Variants in COL19A1 observed in about 807,000 individuals in gnomAD.
COL19A1 encodes the protein collagen alpha-1(XIX) chain.
Under a neutral mutation model 190.2 loss-of-function variants are expected in COL19A1, and 159 were observed. The ratio of observed to expected loss-of-function variants is 0.84; its 90% CI spans 0.73 to 0.95. COL19A1 has a LOEUF of 0.95. COL19A1 is among the 40% of genes least tolerant of loss of function. The probability of loss-of-function intolerance (pLI) is 0.00; values close to 1 mark genes in which losing one functional copy is unlikely to be tolerated. For synonymous variants in COL19A1, 509 were observed against 458.9 expected, an observed-to-expected ratio of 1.11 and a Z score of -1.39; for missense variants, 1,418 against 1,431.9, an observed-to-expected ratio of 0.99 and a Z score of 0.16.
chr6:70,078,046 A>G (rs1781999286), intron 15 of COL19A1, among the ~76,000 whole-genome samples: 1 of 152,234 alleles, frequency 6.6e-6, no homozygotes, highest in Admixed American at 6.5e-5. Flanking sequence ...TCATGTTTAT[A>G]GTTTATTTGT....
At chr6:70,149,544 A>G (rs1387103620) in intron 27 of COL19A1, among the ~76,000 whole-genome samples, 160 bp from the exon 28 acceptor site, 1 of 152,134 alleles carries the variant, frequency 6.6e-6, no homozygotes, top group Non-Finnish European at 1.5e-5. Flanking sequence ...TTCACCTACG[A>G]CCTGAAAGTC....
intron 49 of COL19A1, among the ~76,000 whole-genome samples, chr6:70,205,909 C>T (rs1205257682): frequency 1.3e-5 from 2 of 152,164 alleles, no homozygotes; most frequent in Non-Finnish European, 2.9e-5. Context: ...CTGTCAGTCT[C>T]CTCTCTTGTT....
At chr6:70,183,122 G>A (rs1342759490) in intron 44 of COL19A1, among the ~76,000 whole-genome samples, 1 of 152,050 alleles carries the variant, frequency 6.6e-6, no homozygotes, top group Non-Finnish European at 1.5e-5. Context: ...TAGAAAGGGA[G>A]TCAAATTGGG....
rs1369041078 is a variant in COL19A1, at chr6:70,172,016, A to T, written c.2621A>T (p.Lys874Met). The change falls in exon 41 of 51, where the codon AAG becomes ATG. Residue 874 changes from lysine (K) to methionine (M), a missense_variant and splice_region_variant. Lys to Met is a moderately conservative substitution (Grantham distance 95, BLOSUM62 -1). Transcript: ENST00000620364. ...GGATTAGAAGGATTTCCAGGTGTAA[A>T]GGTAAGCACAGAAGTTAGAAATGTG... Reference protein sequence around the residue: ...LPGLEGFPGVKGDRGPAGPPG... With the variant: ...LPGLEGFPGVMGDRGPAGPPG... The T allele has an allele frequency of 6.2e-7, 1 of 1,610,328 alleles. No homozygotes were observed. The highest frequency in any genetic ancestry group is 1.3e-5 in the African/African-American group (1 of 74,736).
At chr6:70,191,628 C>T (rs1342492096) in intron 48 of COL19A1, among the ~76,000 whole-genome samples, 1 of 152,178 alleles carries the variant, frequency 6.6e-6, no homozygotes, top group Non-Finnish European at 1.5e-5. Context: ...TGTCCTAAAA[C>T]TCACCCTACA....
At chr6:69,869,677 T>C (rs1288077581) in intron 1 of COL19A1, among the ~76,000 whole-genome samples, 2 of 152,132 alleles carry the variant, frequency 1.3e-5, no homozygotes, top group Non-Finnish European at 2.9e-5. Context: ...AGAATTGTAA[T>C]CAGAAAAAAA....
At chr6:70,098,381 T>G in intron 15 of COL19A1, 1 of 503,622 alleles carries the variant, frequency 2.0e-6, no homozygotes, top group Admixed American at 2.0e-5. Context: ...GACTAATCAT[T>G]GAAATTCTTA....
At chr6:70,150,297 A>T (rs182141510) in intron 30 of COL19A1, among the ~76,000 whole-genome samples, 1 of 152,322 alleles carries the variant, frequency 6.6e-6, no homozygotes, top group Non-Finnish European at 1.5e-5. Flanking sequence ...GCCTTGGCAT[A>T]TAATGTCTCA....
At chr6:70,102,025 G>T in intron 15 of COL19A1, 144 bp from the exon 16 acceptor site, 1 of 716,278 alleles carries the variant, frequency 1.4e-6, no homozygotes, top group South Asian at 1.9e-5. Context: ...TTTTAAAATT[G>T]ATATTTAAAA....
chr6:70,127,530 G>T (rs544774374), intron 17 of COL19A1, among the ~76,000 whole-genome samples: 1 of 152,132 alleles, frequency 6.6e-6, no homozygotes, highest in Non-Finnish European at 1.5e-5. Flanking sequence ...CAAGGAATAA[G>T]GATGAGGGTG....
Position 70,207,469 on chromosome 6 carries a change from A to G in COL19A1, c.*195A>G, listed in dbSNP as rs1583170631. 9.7e-6 allele frequency: 4 copies of G among 413,792 alleles called. No homozygotes were observed. Among genetic ancestry groups the G allele is most frequent in the East Asian group, 7.8e-5 (2 of 25,568 alleles). The allele number at this position is 413,792 out of a possible 1,614,324, so 25.6% of individuals were successfully genotyped here. On this transcript the variant is annotated 3_prime_UTR_variant, in exon 51 of 51. Transcript: ENST00000620364. ...AAATCAGCATTTTTTGATTTTTCCCAAATTCATTCCATATGTTTTGCTTTA... is the reference window on the plus strand; with the variant it reads ...AAATCAGCATTTTTTGATTTTTCCCGAATTCATTCCATATGTTTTGCTTTA...
chr6:69,945,590 A>C (rs1428866897), intron 9 of COL19A1, among the ~76,000 whole-genome samples: 1 of 151,946 alleles, frequency 6.6e-6, no homozygotes, highest in Non-Finnish European at 1.5e-5. Context: ...GACTTCTTTT[A>C]ATATGTCAAT....
intron 11 of COL19A1, among the ~76,000 whole-genome samples, chr6:69,991,977 G>A (rs766473167): frequency 6.6e-6 from 1 of 151,822 alleles, no homozygotes; most frequent in Non-Finnish European, 1.5e-5. Context: ...TCTTTGCCAG[G>A]GCTGATGTCT....
chr6:70,194,586 G>A (rs1007548625), intron 48 of COL19A1, among the ~76,000 whole-genome samples: 8 of 152,148 alleles, frequency 5.3e-5, no homozygotes, highest in Admixed American at 2.0e-4. Context: ...ACAGGACAAG[G>A]ACAGATGCCA....
intron 11 of COL19A1, among the ~76,000 whole-genome samples, chr6:70,016,601 C>G (rs1778122771): frequency 6.6e-6 from 1 of 151,440 alleles, no homozygotes; most frequent in South Asian, 2.1e-4. Context: ...AATAACCAAA[C>G]CATATTCTGG....
intron 11 of COL19A1, among the ~76,000 whole-genome samples, chr6:70,022,684 G>C (rs954082110): frequency 6.6e-6 from 1 of 152,050 alleles, no homozygotes; most frequent in Non-Finnish European, 1.5e-5. Context: ...ATATATATTG[G>C]TTAACATTTA....
At chr6:70,177,104 T>TTTCA (rs1765862281) in intron 42 of COL19A1, among the ~76,000 whole-genome samples, 1 of 152,162 alleles carries the variant, frequency 6.6e-6, no homozygotes, top group Admixed American at 6.5e-5. Context: ...ATCAAGGCCT[T>TTTCA]TTCAAATGAA....
chr6:70,171,852 C>A, intron 40 of COL19A1, 112 bp from the exon 41 acceptor site: 2 of 806,892 alleles, frequency 2.5e-6, no homozygotes, highest in Non-Finnish European at 4.3e-6. Flanking sequence ...TGCTAAATTA[C>A]ACATCAATGT....
chr6:69,891,544 G>A (rs765366832), intron 2 of COL19A1, among the ~76,000 whole-genome samples: 18 of 152,180 alleles, frequency 1.2e-4, no homozygotes, highest in Non-Finnish European at 2.1e-4. Flanking sequence ...TAGCAGATAC[G>A]TGGGGTACAT....
Sources: allele counts gnomAD v4.1 joint callset (sites outside exome capture counted in the v4.1 genomes callset), GRCh38; gene constraint gnomAD v4.1.1; transcripts MANE v1.5; gene names NCBI Gene and HGNC (gene_info 2026-07-23, HGNC 2026-07-21).